The following DCC variants were observed in gnomAD, a reference collection of about 807,000 sequenced individuals.
DCC encodes the protein DCC netrin 1 receptor.
DCC carries 58 observed loss-of-function variants against 172.5 expected under a neutral mutation model. That is an observed-to-expected ratio of 0.34 (90% CI 0.27 to 0.42). The LOEUF (loss-of-function observed/expected upper bound fraction) is 0.42. Ranked by LOEUF, DCC falls within the 10% of genes least tolerant of loss-of-function variation. The pLI, the probability that DCC is intolerant of heterozygous loss-of-function variation, is 1.00. For missense variants in DCC, 1,740 were observed against 1,791.0 expected, an observed-to-expected ratio of 0.97 and a Z score of 0.51; for synonymous variants, 709 against 644.5, an observed-to-expected ratio of 1.10 and a Z score of -1.52.
rs763403883 is a variant in DCC at position 53,459,299 on chromosome 18, T to C, written c.3460T>C (p.Trp1154Arg). 1.2e-6 allele frequency: 2 copies of C among 1,614,122 alleles called. No homozygotes were observed. Among genetic ancestry groups the C allele is most frequent in the South Asian group, 2.2e-5 (2 of 91,086 alleles). ...GAAGGACCTCCGACCCCCTGATCTTTGGATCCATCATGAAGAAATGGAGAT... is the reference window on the plus strand; with the variant it reads ...GAAGGACCTCCGACCCCCTGATCTTCGGATCCATCATGAAGAAATGGAGAT... ...SQKDLRPPDL[W>R]IHHEEMEMKN... Residue 1154 changes from tryptophan (W) to arginine (R), a missense_variant, in exon 24 of 29, where the codon TGG (tryptophan) becomes CGG (arginine). This residue lies in a region of DCC where 1,732 missense variants were observed against 1,767.4 expected (regional missense o/e 0.98). Coordinates refer to ENST00000442544, the MANE Select transcript of DCC (RefSeq NM_005215.4).
At chr18:52,583,459 T>C (rs1296532031) in intron 1 of DCC, among the ~76,000 whole-genome samples, 1 of 152,228 alleles carries the variant, frequency 6.6e-6, no homozygotes. Flanking sequence ...ACTTTTCTAG[T>C]AAAATGTAAA....
intron 5 of DCC, among the ~76,000 whole-genome samples, chr18:52,944,127 AATC>A (rs1158941269): frequency 6.6e-6 from 1 of 152,214 alleles, no homozygotes; most frequent in Non-Finnish European, 1.5e-5. Flanking sequence ...TAAAATAAAA[AATC>A]ATTCTAATAA....
chr18:53,125,985 G>A lies in DCC; in HGVS notation c.1262-31371G>A, dbSNP rs545644492. On this transcript the variant is annotated intron_variant, in intron 7 of 28. Transcript: ENST00000442544. ...ACTGCAAGTTATTGAGTGTATACAA[G>A]GAGAGGTTGCGTGAGGATATGTGAA... 2.0e-5 allele frequency among the ~76,000 whole-genome samples: 3 copies of A among 152,244 alleles called. No individual in the cohort carries two copies. In the East Asian group the frequency reaches 5.8e-4, roughly 30 times the overall value.
chr18:53,475,924 G>A (rs1009713242), intron 25 of DCC, among the ~76,000 whole-genome samples: 7 of 152,282 alleles, frequency 4.6e-5, no homozygotes, highest in East Asian at 1.9e-4. Context: ...CCACAGGGAC[G>A]GAGATGCCCA....
chr18:53,075,728 T>C (rs188064060), intron 7 of DCC, among the ~76,000 whole-genome samples: 51 of 152,308 alleles, frequency 3.3e-4, no homozygotes, highest in Non-Finnish European at 4.9e-4. Flanking sequence ...GATTATATAG[T>C]ATGTAGATGC....
chr18:52,731,473 C>A (rs1473357530), intron 1 of DCC, among the ~76,000 whole-genome samples: 1 of 152,170 alleles, frequency 6.6e-6, no homozygotes, highest in Non-Finnish European at 1.5e-5. Context: ...AGAGACCTTG[C>A]CTATGAAGTG....
intron 7 of DCC, among the ~76,000 whole-genome samples, chr18:53,087,557 G>C (rs2042933397): frequency 6.6e-6 from 1 of 152,114 alleles, no homozygotes; most frequent in Non-Finnish European, 1.5e-5. Context: ...TAGGTTGCCT[G>C]TTTACTCTGA....
Position 52,906,202 on chromosome 18 carries a change from G to T in DCC, c.571G>T (p.Val191Phe), listed in dbSNP as rs200571296. 6 of 1,613,940 alleles carry T rather than the reference G, an allele frequency of 3.7e-6. No individual in the cohort carries two copies. In the Admixed American group the frequency reaches 8.3e-5, roughly 22 times the overall value. Residue 191 changes from valine (V) to phenylalanine (F), a missense_variant, in exon 3 of 29, where the codon GTC becomes TTC. Physicochemically the swap from Val to Phe is conservative, Grantham distance 50 (BLOSUM62 -1). Around this residue, in one of 2 missense-constraint regions of DCC, gnomAD observed 1,732 missense variants for 1,767.4 expected, o/e 0.98. Transcript: ENST00000442544. ...AATCCCAGGTGACTCCCGAGTGGTG[G>T]TCTTGCCCTCTGGAGCATTGCAGAT... Reference protein sequence around the residue: ...TPIPGDSRVVVLPSGALQISR... With the variant: ...TPIPGDSRVVFLPSGALQISR...
At chr18:53,247,764 C>G (rs1015509052) in intron 12 of DCC, among the ~76,000 whole-genome samples, 5 of 151,994 alleles carry the variant, frequency 3.3e-5, no homozygotes, top group Non-Finnish European at 7.4e-5. Context: ...TGCTTGGAAA[C>G]TAGTCTATTT....
chr18:52,711,754 T>C (rs965096046), intron 1 of DCC, among the ~76,000 whole-genome samples: 19 of 152,198 alleles, frequency 1.2e-4, no homozygotes, highest in Admixed American at 7.8e-4. Context: ...TGGGGAAAGA[T>C]GTCATCTTTG....
chr18:53,066,388 T>C (rs1261681193), intron 7 of DCC, among the ~76,000 whole-genome samples: 1 of 119,818 alleles, frequency 8.3e-6, no homozygotes, highest in Non-Finnish European at 1.6e-5. Flanking sequence ...TATATATATA[T>C]ATATATATAT....
chr18:52,932,365 T>C (rs1388911181), intron 5 of DCC, among the ~76,000 whole-genome samples: 2 of 152,098 alleles, frequency 1.3e-5, no homozygotes, highest in African/African-American at 4.8e-5. Context: ...CTGCTTTGGG[T>C]CTAGATTGAT....
At chr18:53,285,358 T>G (rs1004203659) in intron 12 of DCC, among the ~76,000 whole-genome samples, 3 of 152,140 alleles carry the variant, frequency 2.0e-5, no homozygotes, top group African/African-American at 7.2e-5. Flanking sequence ...TCCCAGCCAC[T>G]CCAGCCGTGA....
At chr18:52,839,763 C>A (rs1484569974) in intron 2 of DCC, among the ~76,000 whole-genome samples, 1 of 152,164 alleles carries the variant, frequency 6.6e-6, no homozygotes, top group African/African-American at 2.4e-5. Context: ...GTTTGTGCAA[C>A]AGTACCTGTG....
intron 22 of DCC, among the ~76,000 whole-genome samples, chr18:53,446,879 G>T (rs1912644724): frequency 1.3e-5 from 2 of 151,948 alleles, no homozygotes; most frequent in Admixed American, 1.3e-4. Context: ...TGTTTAAAAT[G>T]GTCCCCAAAT....
At chr18:52,376,644 C>CA (rs1182593932) in intron 1 of DCC, among the ~76,000 whole-genome samples, 1 of 152,028 alleles carries the variant, frequency 6.6e-6, no homozygotes, top group African/African-American at 2.4e-5. Context: ...TCTTTTACAC[C>CA]ATTTATTTGT....
At chr18:53,264,351 G>C (rs1338438797) in intron 12 of DCC, among the ~76,000 whole-genome samples, 3 of 151,914 alleles carry the variant, frequency 2.0e-5, no homozygotes, top group Non-Finnish European at 4.4e-5. Flanking sequence ...GCCAGACGTG[G>C]TGGCGGCTGC....
Position 52,424,911 on chromosome 18 carries a change from G to T in DCC, c.91+84033G>T, listed in dbSNP as rs573208156. Among the ~76,000 whole-genome samples, 7 of 135,674 alleles carry T rather than the reference G, an allele frequency of 5.2e-5. No homozygotes were observed. In the East Asian group the frequency reaches 1.4e-3, roughly 26 times the overall value. 89.0% of individuals were successfully genotyped at this position (135,674 alleles called of 152,430 possible). A position where few individuals can be genotyped will look rare whatever the true frequency, so the allele number is the denominator to read the frequency against. On this transcript the variant is annotated intron_variant, in intron 1 of 28. Coordinates refer to ENST00000442544, the MANE Select transcript of DCC (RefSeq NM_005215.4). ...CCATTCATTTTTTATTATCTCTCCT[G>T]ATTTCCTTTTCTTTTTTATTTTCTT...
chr18:52,383,187 C>T (rs1985657265), intron 1 of DCC, among the ~76,000 whole-genome samples: 2 of 152,028 alleles, frequency 1.3e-5, no homozygotes, highest in South Asian at 4.1e-4. Flanking sequence ...ACTAAAGGCT[C>T]AAGATAGATA....
Sources: gnomAD v4.1 joint callset for allele counts (sites outside exome capture counted in the v4.1 genomes callset) on GRCh38, gnomAD v4.1.1 for gene constraint, gnomAD v4.1.1 regional missense constraint, MANE v1.5 for transcripts, NCBI Gene and HGNC (gene_info 2026-07-23, HGNC 2026-07-21) for gene names.